Variants in RASSF4 observed in about 807,000 individuals in gnomAD.
RASSF4 encodes the protein Ras association domain family member 4, also known as ras association domain-containing protein 4.
Under a neutral mutation model 41.1 loss-of-function variants are expected in RASSF4, and 38 were observed. That is an observed-to-expected ratio of 0.92 (90% CI 0.71 to 1.21). The LOEUF (loss-of-function observed/expected upper bound fraction) is 1.21. Ranked by LOEUF, RASSF4 falls within the 50% of genes most tolerant of loss-of-function variation. The pLI, the probability that RASSF4 is intolerant of heterozygous loss-of-function variation, is 0.00. For synonymous variants in RASSF4, 179 were observed against 163.4 expected (o/e 1.10, Z -0.73); for missense variants, 414 against 419.4 (o/e 0.99, Z 0.11).
chr10:44,993,189 T>C lies in RASSF4; in HGVS notation c.906-80T>C. The stretch of plus-strand genomic sequence containing the variant: ...CTGCAGGGATCTCCTGAGCTGGCCA[T>C]CTGCAGGTCCCTTGCTCTGCTGCCC... On this transcript the variant is annotated intron_variant, in intron 10 of 10. Coordinates refer to ENST00000340258, the MANE Select transcript of RASSF4 (RefSeq NM_032023.4). The C allele has an allele frequency of 3.2e-6, 4 of 1,231,484 alleles. No individual in the cohort carries two copies. The South Asian group carries it at 5.0e-5, about 15-fold the overall frequency. The allele number at this position is 1,231,484 out of a possible 1,614,324, so 76.3% of individuals were successfully genotyped here.
intron 10 of RASSF4, 111 bp from the exon 11 acceptor site, chr10:44,993,158 A>G: frequency 2.4e-6 from 2 of 848,284 alleles, no homozygotes; most frequent in African/African-American, 1.7e-5. Context: ...AGGAGAGATG[A>G]GGCTGCTGCA....
rs1253763495 is a variant in RASSF4, at chr10:44,994,868, T to G, written c.*1539T>G. 2.6e-5 allele frequency: 4 copies of G among 152,118 alleles called. No individual in the cohort carries two copies. The highest frequency in any genetic ancestry group is 9.7e-5 in the African/African-American group (4 of 41,396). 9.4% of individuals were successfully genotyped at this position (152,118 alleles called of 1,614,324 possible). On this transcript the variant is annotated 3_prime_UTR_variant, in exon 11 of 11. Coordinates refer to ENST00000340258, the MANE Select transcript of RASSF4 (RefSeq NM_032023.4). ...TGCTCTAGGAGCCGACATGACTCCTTCATTTCTGTGCATGCCCTGGGGACT... is the reference window on the plus strand; with the variant it reads ...TGCTCTAGGAGCCGACATGACTCCTGCATTTCTGTGCATGCCCTGGGGACT...
Position 44,993,611 on chromosome 10 carries a change from A to G in RASSF4, c.*282A>G. On this transcript the variant is annotated 3_prime_UTR_variant, in exon 11 of 11. Coordinates refer to ENST00000340258, the MANE Select transcript of RASSF4 (RefSeq NM_032023.4). The stretch of plus-strand genomic sequence containing the variant: ...CCACACCATGCCTCTCCTGCACTGG[A>G]GAGCAGTGCTGGCCCAGCCCCTGCG... 2.1e-6 allele frequency: 1 copy of G among 467,642 alleles called. No individual in the cohort carries two copies. The highest frequency in any genetic ancestry group is 3.9e-6 in the Non-Finnish European group (1 of 254,558). The allele number at this position is 467,642 out of a possible 1,614,324, so 29.0% of individuals were successfully genotyped here.
chr10:44,971,618 A>G, intron 2 of RASSF4, 155 bp from the exon 3 acceptor site: 1 of 737,914 alleles, frequency 1.4e-6, no homozygotes, highest in Non-Finnish European at 2.5e-6. Context: ...GTGCATTGCG[A>G]TGGCAGTCTG....
At chr10:44,977,993 G>A in intron 3 of RASSF4, 4 of 1,611,636 alleles carry the variant, frequency 2.5e-6, no homozygotes, top group South Asian at 1.1e-5. Flanking sequence ...CCGAATTGTG[G>A]GCAGATGGGC....
At chr10:44,982,826 G>C (rs894218667) in intron 4 of RASSF4, 163 bp downstream of exon 4, 1 of 771,146 alleles carries the variant, frequency 1.3e-6, no homozygotes, top group Admixed American at 2.3e-5. Context: ...CCACAGCCTC[G>C]CCCAGGGTGG....
At chr10:44,961,532 T>C (rs1299237376) in intron 1 of RASSF4, among the ~76,000 whole-genome samples, 2 of 152,244 alleles carry the variant, frequency 1.3e-5, no homozygotes, top group African/African-American at 2.4e-5. Flanking sequence ...TCCTCATTCA[T>C]GGCCACTCCT....
Position 44,970,521 on chromosome 10 carries a change from CA to C in RASSF4, c.62+258del, listed in dbSNP as rs1841108655. The stretch of plus-strand genomic sequence containing the variant: ...GCACTTTATACGAAATAGGTGTGTA[CA>C]GGGCCTCATTATAACTTTTACATTG... On this transcript the variant is annotated intron_variant, in intron 2 of 10. Transcript: ENST00000340258. The C allele has an allele frequency of 1.1e-5, 5 of 472,306 alleles. No individual in the cohort carries two copies. In the South Asian group the frequency reaches 2.1e-4, roughly 20 times the overall value. 29.3% of individuals were successfully genotyped at this position (472,306 alleles called of 1,614,324 possible).
intron 1 of RASSF4, among the ~76,000 whole-genome samples, chr10:44,967,173 A>G (rs1215457070): frequency 1.3e-5 from 2 of 152,164 alleles, no homozygotes; most frequent in Non-Finnish European, 1.5e-5. Context: ...GTTCTGGTCC[A>G]CAGTCACTCA....
chr10:44,992,850 C>T (rs959131769), intron 10 of RASSF4, among the ~76,000 whole-genome samples: 2 of 152,120 alleles, frequency 1.3e-5, no homozygotes, highest in African/African-American at 4.8e-5. Flanking sequence ...GTCCTGACCC[C>T]GTAAGATTTG....
intron 3 of RASSF4, among the ~76,000 whole-genome samples, chr10:44,974,608 G>A (rs1203218730): frequency 2.5e-5 from 3 of 120,612 alleles, no homozygotes; most frequent in African/African-American, 8.9e-5. Flanking sequence ...CGCTCCCAGA[G>A]CCGCCTGAAA....
intron 1 of RASSF4, among the ~76,000 whole-genome samples, chr10:44,963,641 C>T (rs541621964): frequency 3.7e-4 from 57 of 152,322 alleles, no homozygotes; most frequent in Non-Finnish European, 7.1e-4. Flanking sequence ...CCAGCTGTGC[C>T]CCACACACTT....
chr10:44,971,877 C>T (rs1471679934), intron 3 of RASSF4, 29 bp downstream of exon 3: 1 of 1,547,146 alleles, frequency 6.5e-7, no homozygotes, highest in East Asian at 2.3e-5. Context: ...TTCATGGGGT[C>T]ACCATGTACC....
At chr10:44,985,022 G>A (rs376548331) in intron 6 of RASSF4, 52 bp downstream of exon 6, 2 of 1,571,100 alleles carry the variant, frequency 1.3e-6, no homozygotes, top group African/African-American at 2.7e-5. Flanking sequence ...CCAGGCCTGA[G>A]CACAGGCACA....
chr10:44,993,618 T>A lies in RASSF4; in HGVS notation c.*289T>A. 4.7e-6 allele frequency: 2 copies of A among 425,420 alleles called. No homozygotes were observed. Among genetic ancestry groups the A allele is most frequent in the South Asian group, 4.0e-5 (1 of 25,244 alleles). 26.4% of individuals were successfully genotyped at this position (425,420 alleles called of 1,614,324 possible). ...ATGCCTCTCCTGCACTGGAGAGCAG[T>A]GCTGGCCCAGCCCCTGCGGCTTAGG... On this transcript the variant is annotated 3_prime_UTR_variant, in exon 11 of 11. Transcript: ENST00000340258.
chr10:44,989,410 G>A (rs1030771543), intron 7 of RASSF4, 35 bp downstream of exon 7: 15 of 1,444,988 alleles, frequency 1.0e-5, no homozygotes, highest in Non-Finnish European at 1.5e-5. Flanking sequence ...GCCCCAGGAT[G>A]CCAGTGGTCT....
chr10:44,974,818 C>T (rs1397197922), intron 3 of RASSF4, among the ~76,000 whole-genome samples: 2 of 152,236 alleles, frequency 1.3e-5, no homozygotes, highest in Admixed American at 6.5e-5. Context: ...AGAGGAGGGA[C>T]GCCATCTCTG....
intron 1 of RASSF4, among the ~76,000 whole-genome samples, chr10:44,965,385 A>C (rs926697920): frequency 6.6e-6 from 1 of 152,230 alleles, no homozygotes; most frequent in East Asian, 1.9e-4. Context: ...TGGCTGCATT[A>C]ATGGAGATTC....
chr10:44,973,666 C>T (rs1366295406), intron 3 of RASSF4, among the ~76,000 whole-genome samples: 1 of 152,228 alleles, frequency 6.6e-6, no homozygotes, highest in African/African-American at 2.4e-5. Flanking sequence ...GTTTGAAAAC[C>T]ACTAGTAAGA....
Sources: gnomAD v4.1 joint callset for allele counts (sites outside exome capture counted in the v4.1 genomes callset) on GRCh38, gnomAD v4.1.1 for gene constraint, MANE v1.5 for transcripts, NCBI Gene and HGNC (gene_info 2026-07-23, HGNC 2026-07-21) for gene names.